The following FOXN4 variants were observed in gnomAD, a reference collection of about 807,000 sequenced individuals.
FOXN4 encodes forkhead box N4.
Under a neutral mutation model 45.0 loss-of-function variants are expected in FOXN4, and 12 were observed. The ratio of observed to expected loss-of-function variants is 0.27; its 90% CI spans 0.17 to 0.43. The LOEUF is 0.43. Ranked by LOEUF, FOXN4 falls within the 20% of genes least tolerant of loss-of-function variation. FOXN4 has a pLI of 1.00. For synonymous variants in FOXN4, 297 were observed against 295.0 expected (o/e 1.01, Z -0.07); for missense variants, 560 against 694.9 (o/e 0.81, Z 2.18).
rs761068034 is a variant in FOXN4 at position 109,279,808 on chromosome 12, C to T, written c.1417G>A (p.Asp473Asn). ...ACCTGCAAGTCTGGGAAGGACTGGT[C>T]GCTGCCACCCGAGGCAGGGGTTAGG... ...SGLTPASGGS[D>N]QSFPDLQVTG... The change falls in exon 10 of 10, where the codon GAC (aspartate) becomes AAC (asparagine). Residue 473 changes from aspartate to asparagine, a missense_variant. Physicochemically the swap from Asp to Asn is conservative, Grantham distance 23. Transcript: ENST00000299162. The T allele has an allele frequency of 3.1e-6, 5 of 1,611,472 alleles. No individual in the cohort carries two copies. The highest frequency in any genetic ancestry group is 2.2e-5 in the East Asian group (1 of 44,814).
chr12:109,292,203 C>A (rs1251763509), intron 2 of FOXN4, among the ~76,000 whole-genome samples: 1 of 152,216 alleles, frequency 6.6e-6, no homozygotes, highest in East Asian at 1.9e-4. Context: ...CCTGCTGTGA[C>A]TCCCCACTGC....
In FOXN4 at chr12:109,290,098, C is replaced by T; in HGVS notation, c.232+43G>A. The T allele has an allele frequency of 1.3e-6, 2 of 1,503,936 alleles. No homozygotes were observed. The highest frequency in any genetic ancestry group is 1.8e-6 in the Non-Finnish European group (2 of 1,120,324). The allele number at this position is 1,503,936 out of a possible 1,614,324, so 93.2% of individuals were successfully genotyped here. A position where few individuals can be genotyped will look rare whatever the true frequency, so the allele number is the denominator to read the frequency against. On this transcript the variant is annotated intron_variant, in intron 3 of 9. Transcript: ENST00000299162. This position sits in a 1 kb window ranked among gnomAD's most constrained non-coding sequence, Gnocchi z 5.1. The stretch of plus-strand genomic sequence containing the variant: ...TGGCAGGGCTGGGAATCACCCCTCT[C>T]CTATATCACCCTCCTCCCTGCCTAC...
In FOXN4 at chr12:109,283,475, CTT is replaced by C. The variant is rs5800847; in HGVS notation, c.902-1678_902-1677del. On this transcript the variant is annotated intron_variant, in intron 8 of 9. Coordinates refer to ENST00000299162, the MANE Select transcript of FOXN4 (RefSeq NM_213596.3). ...CCCCTTTTCACTTATTGTTTGAGAACTTTTTTTTTTTTTTTTTTGAGATGGAG... is the reference window on the plus strand; with the variant it reads ...CCCCTTTTCACTTATTGTTTGAGAACTTTTTTTTTTTTTTTTGAGATGGAG... Among the ~76,000 whole-genome samples the C allele has an allele frequency of 2.4e-3, 311 of 129,634 alleles. 2 individuals are homozygous for C. The highest frequency in any genetic ancestry group is 5.1e-3 in the African/African-American group (176 of 34,784). The allele number at this position is 129,634 out of a possible 152,430, so 85.0% of individuals were successfully genotyped here.
intron 2 of FOXN4, among the ~76,000 whole-genome samples, chr12:109,295,112 T>G (rs1264547837): frequency 6.6e-6 from 1 of 152,064 alleles, no homozygotes; most frequent in Admixed American, 6.6e-5. Context: ...CCGCAATACC[T>G]CATACCCCCC....
chr12:109,301,538 C>T (rs567186662), intron 2 of FOXN4, among the ~76,000 whole-genome samples: 23 of 152,284 alleles, frequency 1.5e-4, no homozygotes, highest in African/African-American at 5.5e-4. Flanking sequence ...GTTCCTCAAA[C>T]ATTCTAATTC....
chr12:109,303,693 C>A (rs1011015117), intron 2 of FOXN4, among the ~76,000 whole-genome samples: 1 of 152,162 alleles, frequency 6.6e-6, no homozygotes, highest in African/African-American at 2.4e-5. Context: ...AAGCCAGAAG[C>A]CTGCCTTCCG....
chr12:109,298,350 T>C lies in FOXN4; in HGVS notation c.87-8064A>G, dbSNP rs1007998224. Among the ~76,000 whole-genome samples, 61 of 151,752 alleles carry C rather than the reference T, an allele frequency of 4.0e-4. 1 individual carries two copies. The highest frequency in any genetic ancestry group is 1.4e-3 in the African/African-American group (58 of 41,406). On this transcript the variant is annotated intron_variant, in intron 2 of 9. Transcript: ENST00000299162. ...TTTCAGGTTTTTTTTTTTTGTTTTT[T>C]TTTTTTGCTTTGTTTTGTTTTGTTT...
intron 2 of FOXN4, among the ~76,000 whole-genome samples, chr12:109,297,406 T>C (rs2047828005): frequency 6.6e-6 from 1 of 152,238 alleles, no homozygotes; most frequent in Non-Finnish European, 1.5e-5. Context: ...AGTGGCATGA[T>C]CTTGGCTCAC....
rs1296468847 is a variant in FOXN4 at position 109,290,611 on chromosome 12, C to A, written c.87-325G>T. Among the ~76,000 whole-genome samples the A allele has an allele frequency of 6.6e-6, 1 of 152,228 alleles. No individual in the cohort carries two copies. The highest frequency in any genetic ancestry group is 1.5e-5 in the Non-Finnish European group (1 of 68,040). On this transcript the variant is annotated intron_variant, in intron 2 of 9. Coordinates refer to ENST00000299162, the MANE Select transcript of FOXN4 (RefSeq NM_213596.3). The surrounding 1 kb of genome is among the most constrained non-coding windows in gnomAD (Gnocchi z 5.1). ...TCAAGCCTTTTTACACTCCCAGTCA[C>A]CCTATGAGGCAGGTGTTATTATTCC...
chr12:109,304,229 A>G (rs1298709142), intron 2 of FOXN4, among the ~76,000 whole-genome samples: 10 of 39,322 alleles, frequency 2.5e-4, no homozygotes, highest in African/African-American at 9.6e-4. Flanking sequence ...AAGAGAAAGA[A>G]AGAAAGAAAG....
At position 109,288,693 on chromosome 12, in the gene FOXN4, G is replaced by GACAT. The variant is rs2047738839; in HGVS notation, c.233-517_233-514dup. ...TGCTCCACACAGGATGAGAATGGCA[G>GACAT]ACATACTTCCCCCATCTTGTGCTGG... On this transcript the variant is annotated intron_variant, in intron 3 of 9. Transcript: ENST00000299162. The surrounding 1 kb of genome is among the most constrained non-coding windows in gnomAD (Gnocchi z 4.3). Among the ~76,000 whole-genome samples the GACAT allele has an allele frequency of 6.6e-6, 1 of 152,210 alleles. No individual in the cohort carries two copies. The highest frequency in any genetic ancestry group is 1.5e-5 in the Non-Finnish European group (1 of 68,036).
At chr12:109,285,591 G>C in intron 7 of FOXN4, 80 bp from the exon 8 acceptor site, 1 of 1,460,792 alleles carries the variant, frequency 6.8e-7, no homozygotes, top group East Asian at 2.3e-5. Context: ...CAGGCCTATA[G>C]GGGCAGGACA....
chr12:109,299,248 C>T (rs960276642), intron 2 of FOXN4, among the ~76,000 whole-genome samples: 6 of 152,196 alleles, frequency 3.9e-5, no homozygotes, highest in African/African-American at 1.4e-4. Flanking sequence ...ACGCTTCTTG[C>T]TTTTCAAAGC....
At chr12:109,300,656 C>G (rs772462880) in intron 2 of FOXN4, among the ~76,000 whole-genome samples, 6 of 152,166 alleles carry the variant, frequency 3.9e-5, no homozygotes, top group Non-Finnish European at 8.8e-5. Context: ...TGCTTGTAAT[C>G]GAAGCGCTTT....
At position 109,281,447 on chromosome 12, in the gene FOXN4, C is replaced by T. The variant is rs760472539; in HGVS notation, c.1254G>A (p.Val418=). 10 of 1,613,902 alleles carry T rather than the reference C, an allele frequency of 6.2e-6. No individual in the cohort carries two copies. The highest frequency in any genetic ancestry group is 3.3e-5 in the Admixed American group (2 of 60,010). Residue 418 remains valine, a synonymous_variant, in exon 9 of 10, where the codon GTG becomes GTA. Transcript: ENST00000299162. ...INISTDMNTE[V]DALDPSIMDF... is the part of the protein sequence containing the mutation. ...CCATGATGCTCGGGTCGAGGGCATC[C>T]ACCTCAGTGTTCATGTCGGTGCTGA... is the stretch of plus-strand genomic sequence containing the variant.
Position 109,278,831 on chromosome 12 carries a change from G to T in FOXN4, c.*840C>A, listed in dbSNP as rs2047627368. On this transcript the variant is annotated 3_prime_UTR_variant, in exon 10 of 10. Transcript: ENST00000299162. ...ATGTTTCACAGTATCAACAGTGCTTGCTGGTTCTAAAAAGTAGCCCCAGGC... is the reference window on the plus strand; with the variant it reads ...ATGTTTCACAGTATCAACAGTGCTTTCTGGTTCTAAAAAGTAGCCCCAGGC... 1 of 152,132 alleles carries T rather than the reference G, an allele frequency of 6.6e-6. No homozygotes were observed. The highest frequency in any genetic ancestry group is 2.4e-5 in the African/African-American group (1 of 41,404). The allele number at this position is 152,132 out of a possible 1,614,324, so 9.4% of individuals were successfully genotyped here. A position where few individuals can be genotyped will look rare whatever the true frequency, so the allele number is the denominator to read the frequency against.
chr12:109,298,330 G>GGTTTTTTTTTTTT (rs1385997490), intron 2 of FOXN4, among the ~76,000 whole-genome samples: 2 of 127,254 alleles, frequency 1.6e-5, no homozygotes, highest in African/African-American at 3.3e-5. Context: ...TTTTGTTTCA[G>GGTTTTTTTTTTTT]GTTTTTTTTT....
intron 9 of FOXN4, 147 bp downstream of exon 9, chr12:109,281,260 A>C: frequency 8.5e-7 from 1 of 1,177,474 alleles, no homozygotes; most frequent in Non-Finnish European, 1.2e-6. Flanking sequence ...TTTCCGGATT[A>C]GGGATGTTCA....
In FOXN4 at chr12:109,279,506, G is replaced by A; in HGVS notation, c.*165C>T. ...TCCAGGGGGAGGCACGAGAAGGAGA[G>A]GGGCTGCTGAGGGGAACCGCTTCCC... On this transcript the variant is annotated 3_prime_UTR_variant, in exon 10 of 10. Transcript: ENST00000299162. 9.8e-7 allele frequency: 1 copy of A among 1,021,374 alleles called. No individual in the cohort carries two copies. The highest frequency in any genetic ancestry group is 1.7e-5 in the South Asian group (1 of 59,714). 63.3% of individuals were successfully genotyped at this position (1,021,374 alleles called of 1,614,324 possible). A position where few individuals can be genotyped will look rare whatever the true frequency, so the allele number is the denominator to read the frequency against.
Sources: allele counts gnomAD v4.1 joint callset (sites outside exome capture counted in the v4.1 genomes callset), GRCh38; gene constraint gnomAD v4.1.1; non-coding constraint Gnocchi (gnomAD v3.1); transcripts MANE v1.5; gene names NCBI Gene and HGNC (gene_info 2026-07-23, HGNC 2026-07-21).